The following MIAT variants were observed in gnomAD, a reference collection of about 807,000 sequenced individuals.
MIAT encodes the protein myocardial infarction associated transcript.
exon 2 of MIAT, chr22:26,647,212 G>C (rs1027740165): frequency 2.5e-6 from 1 of 398,436 alleles, no homozygotes; most frequent in Non-Finnish European, 4.4e-6. Context: ...AGCATTGGAA[G>C]CTTCAAGATT....
chr22:26,669,266 G>A, exon 6 of MIAT: 2 of 398,684 alleles, frequency 5.0e-6, no homozygotes, highest in Non-Finnish European at 8.8e-6. Context: ...CATCAGCTTG[G>A]GCTGCCACAG....
chr22:26,673,291 G>T (rs9620625), downstream of MIAT: 39,389 of 398,666 alleles, frequency 0.099, 2,121 homozygotes, highest in African/African-American at 0.16. Context: ...CCACACCTGG[G>T]GGTGATTTCA....
At chr22:26,673,225 C>T, downstream of MIAT, 1 of 398,790 alleles carries the variant, frequency 2.5e-6, no homozygotes. Flanking sequence ...TCTGTTCCCA[C>T]GGACGTCACT....
At chr22:26,673,802 C>T (rs930271599), downstream of MIAT, 22 of 398,564 alleles carry the variant, frequency 5.5e-5, no homozygotes, top group Middle Eastern at 6.3e-4. Flanking sequence ...AAGGAGGTGC[C>T]AGGGCTCTGG....
chr22:26,661,715 C>T (rs1018486590), intron 2 of MIAT, among the ~76,000 whole-genome samples: 2 of 151,816 alleles, frequency 1.3e-5, no homozygotes, highest in African/African-American at 4.8e-5. Context: ...CTACACTATG[C>T]CACTCTCCTA....
At chr22:26,670,271 C>A (rs1569224025), downstream of MIAT, 3 of 398,346 alleles carry the variant, frequency 7.5e-6, no homozygotes, top group Admixed American at 1.3e-4. Flanking sequence ...ACTTTGGGCC[C>A]TTTCCCGTGC....
At chr22:26,659,716 T>G (rs895606302) in intron 2 of MIAT, among the ~76,000 whole-genome samples, 20 of 151,264 alleles carry the variant, frequency 1.3e-4, no homozygotes, top group African/African-American at 4.9e-4. Context: ...TATAATTTTT[T>G]CCGATTTTAA....
intron 3 of MIAT, among the ~76,000 whole-genome samples, chr22:26,664,170 C>A (rs890346656): frequency 6.6e-6 from 1 of 151,952 alleles, no homozygotes; most frequent in African/African-American, 2.4e-5. Flanking sequence ...CACCACCACA[C>A]CCGGCTGATT....
intron 2 of MIAT, among the ~76,000 whole-genome samples, chr22:26,654,259 A>C (rs1402785138): frequency 6.6e-6 from 1 of 152,184 alleles, no homozygotes; most frequent in African/African-American, 2.4e-5. Context: ...CTAGAACCAA[A>C]GATACTTGGA....
chr22:26,671,405 T>C (rs1211059443), downstream of MIAT: 1 of 398,826 alleles, frequency 2.5e-6, no homozygotes, highest in Non-Finnish European at 4.4e-6. Flanking sequence ...CAGTGTTGCA[T>C]GGTGTGATTA....
At chr22:26,649,911 C>CA (rs201249034) in intron 2 of MIAT, among the ~76,000 whole-genome samples, 47 of 149,558 alleles carry the variant, frequency 3.1e-4, no homozygotes, top group Admixed American at 1.8e-3. Context: ...GACTCCGTCT[C>CA]AAAAAAAAAA....
At chr22:26,673,244 C>T, downstream of MIAT, 1 of 398,832 alleles carries the variant, frequency 2.5e-6, no homozygotes, top group South Asian at 1.3e-4. Context: ...CTGCCTCAGC[C>T]AGCCTCCCCC....
intron 2 of MIAT, among the ~76,000 whole-genome samples, chr22:26,651,176 ATCAC>A (rs1468626383): frequency 6.6e-6 from 1 of 152,200 alleles, no homozygotes; most frequent in African/African-American, 2.4e-5. Context: ...CTGCTCTACA[ATCAC>A]TCACTGCTGA....
chr22:26,664,559 T>C (rs940594619), intron 3 of MIAT, among the ~76,000 whole-genome samples: 1 of 152,210 alleles, frequency 6.6e-6, no homozygotes, highest in African/African-American at 2.4e-5. Flanking sequence ...CTCATCTCGG[T>C]AGATTTTCCT....
rs111357575 is a variant in MIAT, at chr22:26,657,274, C to T, written n.647-6042C>T. 2.2e-3 allele frequency: 839 copies of T among 381,940 alleles called. 8 individuals carry two copies. Among genetic ancestry groups the T allele is most frequent in the African/African-American group, 0.016 (778 of 48,350 alleles). 23.7% of individuals were successfully genotyped at this position (381,940 alleles called of 1,614,324 possible). A position where few individuals can be genotyped will look rare whatever the true frequency, so the allele number is the denominator to read the frequency against. On this transcript the variant is annotated intron_variant and non_coding_transcript_variant, in intron 2 of 5. Coordinates refer to ENST00000643270, the Ensembl canonical transcript of MIAT. Reference sequence around the variant, plus strand: ...AGGCTGAGCGCACCGGCCAGCTAGCCCCTTTGTGCGGCGGGGGCTGCGGAG... The same window carrying T: ...AGGCTGAGCGCACCGGCCAGCTAGCTCCTTTGTGCGGCGGGGGCTGCGGAG...
intron 3 of MIAT, among the ~76,000 whole-genome samples, chr22:26,664,673 T>G (rs571090277): frequency 6.6e-6 from 1 of 152,242 alleles, no homozygotes; most frequent in Non-Finnish European, 1.5e-5. Flanking sequence ...TGTTGTAGTA[T>G]GTACTAATAG....
In MIAT at chr22:26,649,652, C is replaced by G. The variant is rs755481681; in HGVS notation, n.646+2341C>G. 2.6e-5 allele frequency among the ~76,000 whole-genome samples: 4 copies of G among 152,210 alleles called. No individual in the cohort carries two copies. The South Asian group carries it at 6.2e-4, about 24-fold the overall frequency. ...GTGGAGGGCAGGGCACAGTGGCTCA[C>G]GCCTGTAATCCCAGCACTTTGGGAC... On this transcript the variant is annotated intron_variant and non_coding_transcript_variant, in intron 2 of 5. Transcript: ENST00000643270.
intron 2 of MIAT, chr22:26,660,808 G>T (rs979886649): frequency 6.6e-6 from 1 of 152,244 alleles, no homozygotes; most frequent in Non-Finnish European, 1.5e-5. Flanking sequence ...GCAGCTGAGA[G>T]TTACGCAGGT....
chr22:26,660,209 C>T (rs547923440), intron 2 of MIAT, among the ~76,000 whole-genome samples: 15 of 151,540 alleles, frequency 9.9e-5, no homozygotes, highest in Admixed American at 9.2e-4. Context: ...TGGTGGCTCA[C>T]GCCTGTAATC....
Sources: allele counts gnomAD v4.1 joint callset (sites outside exome capture counted in the v4.1 genomes callset), GRCh38; gene constraint gnomAD v4.1.1; transcripts MANE v1.5; gene names NCBI Gene and HGNC (gene_info 2026-07-23, HGNC 2026-07-21).